The following SP8 variants were observed in gnomAD, a reference collection of about 807,000 sequenced individuals.
SP8 encodes the protein Sp8 transcription factor.
Under a neutral mutation model 15.3 loss-of-function variants are expected in SP8, and 7 were observed. That is an observed-to-expected ratio of 0.46 (90% CI 0.26 to 0.86). The LOEUF (loss-of-function observed/expected upper bound fraction) is 0.86, where lower values mean the gene tolerates loss of function less well. Ranked by LOEUF, SP8 falls within the 40% of genes least tolerant of loss-of-function variation. The pLI, the probability that SP8 is intolerant of heterozygous loss-of-function variation, is 0.16. For synonymous variants in SP8, 415 were observed against 356.3 expected, an observed-to-expected ratio of 1.16 and a Z score of -1.86; for missense variants, 731 against 736.4, an observed-to-expected ratio of 0.99 and a Z score of 0.09.
Position 20,786,706 on chromosome 7 carries a change from C to T in SP8, c.21+72G>A. The T allele has an allele frequency of 1.5e-6, 2 of 1,372,394 alleles. No individual in the cohort carries two copies. Among genetic ancestry groups the T allele is most frequent in the Middle Eastern group, 1.8e-4 (1 of 5,586 alleles). 85.0% of individuals were successfully genotyped at this position (1,372,394 alleles called of 1,614,324 possible). A position where few individuals can be genotyped will look rare whatever the true frequency, so the allele number is the denominator to read the frequency against. On this transcript the variant is annotated intron_variant, in intron 1 of 1. Transcript: ENST00000418710. This position sits in a 1 kb window ranked among gnomAD's most constrained non-coding sequence, Gnocchi z 4.4. The stretch of plus-strand genomic sequence containing the variant: ...CTGATAGCCCGTGGCCTGGCCGGGG[C>T]GACTTTAACCCCCTCCAATCGGCAA...
At position 20,784,030 on chromosome 7, in the gene SP8, C is replaced by CT; in HGVS notation, c.*259_*260insA. 1 of 438,310 alleles carries CT rather than the reference C, an allele frequency of 2.3e-6. No individual in the cohort carries two copies. The highest frequency in any genetic ancestry group is 3.9e-6 in the Non-Finnish European group (1 of 254,800). 27.2% of individuals were successfully genotyped at this position (438,310 alleles called of 1,614,324 possible). On this transcript the variant is annotated 3_prime_UTR_variant, in exon 2 of 2. Coordinates refer to ENST00000418710, the MANE Select transcript of SP8 (RefSeq NM_182700.6). ...ATAAAGGCCCGACGAGGCGCGGGTT[C>CT]CGGCTGCAACGGGTTCAGGCAGCGT... is the stretch of plus-strand genomic sequence containing the variant.
At position 20,786,323 on chromosome 7, in the gene SP8, TTTTC is replaced by T. The variant is rs1178550545; in HGVS notation, c.21+451_21+454del. Among the ~76,000 whole-genome samples, 3 of 152,160 alleles carry T rather than the reference TTTTC, an allele frequency of 2.0e-5. No homozygotes were observed. The highest frequency in any genetic ancestry group is 6.5e-5 in the Admixed American group (1 of 15,286). On this transcript the variant is annotated intron_variant, in intron 1 of 1. Transcript: ENST00000418710. This position sits in a 1 kb window ranked among gnomAD's most constrained non-coding sequence, Gnocchi z 4.4. ...TGTAGGGCTCACTCTTTCTTCCTGC[TTTTC>T]TTTCTTTCTTTTTTTAAAAGCATAT...
In SP8 at chr7:20,785,527, G is replaced by GGCCCCCCCC; in HGVS notation, c.289_290insGGGGGGGGC (p.Ala97delinsGlyGlyGlyPro). On this transcript the variant is annotated protein_altering_variant, in exon 2 of 2. Coordinates refer to ENST00000418710, the MANE Select transcript of SP8 (RefSeq NM_182700.6). The surrounding 1 kb of genome is among the most constrained non-coding windows in gnomAD (Gnocchi z 7.2). ...GAACGAGTCGGACACCAGGGCCGCG[G>GGCCCCCCCC]CAGCCGCGGCTGCTGCCGCGGCCGC... The GGCCCCCCCC allele has an allele frequency of 7.3e-7, 1 of 1,378,508 alleles. No homozygotes were observed. 85.4% of individuals were successfully genotyped at this position (1,378,508 alleles called of 1,614,324 possible).
rs1179225077 is a variant in SP8, at chr7:20,786,579, C to T, written c.21+199G>A. On this transcript the variant is annotated intron_variant, in intron 1 of 1. Transcript: ENST00000418710. The surrounding 1 kb of genome is among the most constrained non-coding windows in gnomAD (Gnocchi z 4.4). ...TGTCTAAATGCCCTTCGAACCTTTTCCTGCGCTGAAAAAAAGTGACTCTGC... is the reference window on the plus strand; with the variant it reads ...TGTCTAAATGCCCTTCGAACCTTTTTCTGCGCTGAAAAAAAGTGACTCTGC... Among the ~76,000 whole-genome samples the T allele has an allele frequency of 6.6e-6, 1 of 151,894 alleles. No individual in the cohort carries two copies. Among genetic ancestry groups the T allele is most frequent in the Non-Finnish European group, 1.5e-5 (1 of 67,978 alleles).
At position 20,784,424 on chromosome 7, in the gene SP8, AGCCGCCGCC is replaced by A. The variant is rs367927423; in HGVS notation, c.1384_1392del (p.Gly462_Gly464del). ...TTGCCGCCGCTGCCCGAGCCCGCCG[AGCCGCCGCC>A]GCCGCCGCCGCCACTGTGCGTCTTC... On this transcript the variant is annotated inframe_deletion, in exon 2 of 2. Transcript: ENST00000418710. 3.4e-4 allele frequency: 514 copies of A among 1,531,092 alleles called. No individual in the cohort carries two copies. Among genetic ancestry groups the A allele is most frequent in the East Asian group, 2.6e-3 (103 of 40,186 alleles). 94.8% of individuals were successfully genotyped at this position (1,531,092 alleles called of 1,614,324 possible).
Position 20,785,055 on chromosome 7 carries a change from G to T in SP8, c.762C>A (p.Ala254=). The T allele has an allele frequency of 6.3e-7, 1 of 1,578,954 alleles. No homozygotes were observed. The highest frequency in any genetic ancestry group is 2.3e-5 in the East Asian group (1 of 43,338). The change falls in exon 2 of 2, where the codon GCC becomes GCA. Residue 254 remains alanine, a synonymous_variant. Transcript: ENST00000418710. The surrounding 1 kb of genome is among the most constrained non-coding windows in gnomAD (Gnocchi z 7.2). ...AAALPGSLHP[A]AGGLQTSLHS... The stretch of plus-strand genomic sequence containing the variant: ...GCAGCGAGGTTTGGAGCCCCCCGGC[G>T]GCAGGGTGCAGCGAGCCGGGCAGCG...
chr7:20,785,071 C>A lies in SP8; in HGVS notation c.746G>T (p.Gly249Val). The part of the protein sequence containing the change: ...QNPNSAAALP[G>V]SLHPAAGGLQ... ...CCCCCCGGCGGCAGGGTGCAGCGAG[C>A]CGGGCAGCGCAGCCGCGCTGTTCGG... Residue 249 changes from glycine to valine, a missense_variant, in exon 2 of 2, where the codon GGC becomes GTC. Physicochemically the swap from Gly to Val is moderately radical, Grantham distance 109. This residue lies in a region of SP8 where 586 missense variants were observed against 524.9 expected (regional missense o/e 1.12). Coordinates refer to ENST00000418710, the MANE Select transcript of SP8 (RefSeq NM_182700.6). This position sits in a 1 kb window ranked among gnomAD's most constrained non-coding sequence, Gnocchi z 7.2. 1 of 1,579,704 alleles carries A rather than the reference C, an allele frequency of 6.3e-7. No individual in the cohort carries two copies.
chr7:20,784,841 T>C lies in SP8; in HGVS notation c.976A>G (p.Ser326Gly). ...PLAGAGGSML[S>G]AGPSAPLGGS... Reference sequence around the variant, plus strand: ...CCCAGCGGCGCCGAAGGCCCAGCGCTCAACATGGAGCCCCCCGCGCCGGCC... The same window carrying C: ...CCCAGCGGCGCCGAAGGCCCAGCGCCCAACATGGAGCCCCCCGCGCCGGCC... Residue 326 changes from serine to glycine, a missense_variant, in exon 2 of 2, where the codon AGC becomes GGC. By Grantham distance (56) the Ser-to-Gly change is moderately conservative. Around this residue, in one of 3 missense-constraint regions of SP8, gnomAD observed 586 missense variants for 524.9 expected, o/e 1.12. Coordinates refer to ENST00000418710, the MANE Select transcript of SP8 (RefSeq NM_182700.6). 1 of 1,525,048 alleles carries C rather than the reference T, an allele frequency of 6.6e-7. No individual in the cohort carries two copies. The allele number at this position is 1,525,048 out of a possible 1,614,324, so 94.5% of individuals were successfully genotyped here.
Position 20,784,176 on chromosome 7 carries a change from A to G in SP8, c.*114T>C. 1 of 947,550 alleles carries G rather than the reference A, an allele frequency of 1.1e-6. No individual in the cohort carries two copies. Among genetic ancestry groups the G allele is most frequent in the East Asian group, 3.1e-5 (1 of 31,796 alleles). The allele number at this position is 947,550 out of a possible 1,614,324, so 58.7% of individuals were successfully genotyped here. On this transcript the variant is annotated 3_prime_UTR_variant, in exon 2 of 2. Transcript: ENST00000418710. The stretch of plus-strand genomic sequence containing the variant: ...GGAAGAGGGGCAGAAACAGAAAGAG[A>G]CAGAGAGCGAGTCGGATGCAATAGG...
Position 20,784,387 on chromosome 7 carries a change from T to C in SP8, c.1430A>G (p.Asp477Gly). Residue 477 changes from aspartate (D) to glycine (G), a missense_variant, in exon 2 of 2, where the codon GAC (aspartate) becomes GGC (glycine). This residue lies in a region of SP8 where 114 missense variants were observed against 111.9 expected (regional missense o/e 1.02). Coordinates refer to ENST00000418710, the MANE Select transcript of SP8 (RefSeq NM_182700.6). Reference sequence around the variant, plus strand: ...CGCGGCGCTGTGCTCGCTGTCGGTGTCGCTGCCCTTCTTGCCGCCGCTGCC... The same window carrying C: ...CGCGGCGCTGTGCTCGCTGTCGGTGCCGCTGCCCTTCTTGCCGCCGCTGCC... ...GSGSGGKKGS[D>G]TDSEHSAAGS... 6.6e-7 allele frequency: 1 copy of C among 1,526,010 alleles called. No individual in the cohort carries two copies. The highest frequency in any genetic ancestry group is 8.7e-7 in the Non-Finnish European group (1 of 1,142,898). The allele number at this position is 1,526,010 out of a possible 1,614,324, so 94.5% of individuals were successfully genotyped here. A position where few individuals can be genotyped will look rare whatever the true frequency, so the allele number is the denominator to read the frequency against.
At position 20,785,821 on chromosome 7, in the gene SP8, G is replaced by A. The variant is rs1364040471; in HGVS notation, c.22-26C>T. Reference sequence around the variant, plus strand: ...CTGCGAGGAGGAGAGGAGAAGGAGTGGGGGAGGGGAGGTGGGCAAAGGGCC... The same window carrying A: ...CTGCGAGGAGGAGAGGAGAAGGAGTAGGGGAGGGGAGGTGGGCAAAGGGCC... On this transcript the variant is annotated intron_variant, in intron 1 of 1. Transcript: ENST00000418710. The surrounding 1 kb of genome is among the most constrained non-coding windows in gnomAD (Gnocchi z 7.2). The A allele has an allele frequency of 1.3e-6, 2 of 1,590,244 alleles. No homozygotes were observed. Among genetic ancestry groups the A allele is most frequent in the Admixed American group, 1.7e-5 (1 of 59,596 alleles).
rs1783687288 is a variant in SP8, at chr7:20,786,726, C to T, written c.21+52G>A. 3.2e-6 allele frequency: 5 copies of T among 1,564,060 alleles called. No individual in the cohort carries two copies. The South Asian group carries it at 3.3e-5, about 10-fold the overall frequency. On this transcript the variant is annotated intron_variant, in intron 1 of 1. Transcript: ENST00000418710. This position sits in a 1 kb window ranked among gnomAD's most constrained non-coding sequence, Gnocchi z 4.4. ...CGGGGCGACTTTAACCCCCTCCAAT[C>T]GGCAATAAAAGGAAACTAATTAAAC...
rs1279905630 is a variant in SP8 at position 20,783,458 on chromosome 7, A to G, written c.*832T>C. The G allele has an allele frequency of 6.6e-6, 1 of 151,094 alleles. No individual in the cohort carries two copies. The highest frequency in any genetic ancestry group is 2.4e-5 in the African/African-American group (1 of 40,984). 9.4% of individuals were successfully genotyped at this position (151,094 alleles called of 1,614,324 possible). ...CCGTTAGAGGAAAAAACTATTATAG[A>G]AGGGAAACCAAATGGAAGGTTGCTA... On this transcript the variant is annotated 3_prime_UTR_variant, in exon 2 of 2. Transcript: ENST00000418710.
In SP8 at chr7:20,782,919, C is replaced by T. The variant is rs557614304; in HGVS notation, c.*1371G>A. On this transcript the variant is annotated 3_prime_UTR_variant, in exon 2 of 2. Coordinates refer to ENST00000418710, the MANE Select transcript of SP8 (RefSeq NM_182700.6). ...AGTAATGTACAAGAAAAATACTATA[C>T]AAAATCGTCTCCTGGACAACTGCAC... 1.3e-5 allele frequency: 2 copies of T among 152,560 alleles called. No homozygotes were observed. The highest frequency in any genetic ancestry group is 1.9e-4 in the East Asian group (1 of 5,182). The allele number at this position is 152,560 out of a possible 1,614,324, so 9.5% of individuals were successfully genotyped here. A position where few individuals can be genotyped will look rare whatever the true frequency, so the allele number is the denominator to read the frequency against.
Position 20,783,878 on chromosome 7 carries a change from C to A in SP8, c.*412G>T, listed in dbSNP as rs1783573452. 5.3e-5 allele frequency: 1 copy of A among 18,956 alleles called. No individual in the cohort carries two copies. Among genetic ancestry groups the A allele is most frequent in the Non-Finnish European group, 7.3e-5 (1 of 13,744 alleles). The allele number at this position is 18,956 out of a possible 1,614,324, so 1.2% of individuals were successfully genotyped here. ...GTCAGCCGAGCCGCTCCTGCCCGCG[C>A]GAGGCCCGCTGTCTACCAGGCACTG... is the stretch of plus-strand genomic sequence containing the variant. On this transcript the variant is annotated 3_prime_UTR_variant, in exon 2 of 2. Transcript: ENST00000418710.
chr7:20,785,621 C>T lies in SP8; in HGVS notation c.196G>A (p.Gly66Ser), dbSNP rs779953529. 1.2e-6 allele frequency: 2 copies of T among 1,612,924 alleles called. No homozygotes were observed. Among genetic ancestry groups the T allele is most frequent in the Non-Finnish European group, 1.7e-6 (2 of 1,179,550 alleles). Residue 66 changes from glycine to serine, a missense_variant, in exon 2 of 2, where the codon GGT becomes AGT. By Grantham distance (56) the Gly-to-Ser change is moderately conservative (BLOSUM62 0). This residue lies in a region of SP8 where 586 missense variants were observed against 524.9 expected (regional missense o/e 1.12). Transcript: ENST00000418710. This position sits in a 1 kb window ranked among gnomAD's most constrained non-coding sequence, Gnocchi z 7.2. ...SSSSASCNVVGSSLSSFGVSG... is the reference protein window; with the variant it reads ...SSSSASCNVVSSSLSSFGVSG... The stretch of plus-strand genomic sequence containing the variant: ...ACGCCGAAGCTTGAGAGACTGGAAC[C>T]CACTACGTTGCAGCTGGCGGAAGAA...
rs200267910 is a variant in SP8 at position 20,785,124 on chromosome 7, C to T, written c.693G>A (p.Val231=). The change falls in exon 2 of 2, where the codon GTG becomes GTA. Residue 231 remains valine (V), a synonymous_variant. Transcript: ENST00000418710. The surrounding 1 kb of genome is among the most constrained non-coding windows in gnomAD (Gnocchi z 7.2). ...GSAGASSWWD[V]GAGWIDVQNP... ...TCTGCACGTCGATCCAGCCGGCCCCCACGTCCCACCAGCTGGAGGCGCCGG... is the reference window on the plus strand; with the variant it reads ...TCTGCACGTCGATCCAGCCGGCCCCTACGTCCCACCAGCTGGAGGCGCCGG... 6 of 1,590,464 alleles carry T rather than the reference C, an allele frequency of 3.8e-6. No individual in the cohort carries two copies. The African/African-American group carries it at 6.8e-5, about 18-fold the overall frequency.
In SP8 at chr7:20,782,778, A is replaced by G. The variant is rs1372977923; in HGVS notation, c.*1512T>C. On this transcript the variant is annotated 3_prime_UTR_variant, in exon 2 of 2. Transcript: ENST00000418710. The stretch of plus-strand genomic sequence containing the variant: ...TGCGTTTGTGGCTCTGCACCTCCAG[A>G]AGTGAGTTCAAAAAACCTGCAGCTC... 1 of 152,658 alleles carries G rather than the reference A, an allele frequency of 6.6e-6. No individual in the cohort carries two copies. Among genetic ancestry groups the G allele is most frequent in the Non-Finnish European group, 1.5e-5 (1 of 68,048 alleles). 9.5% of individuals were successfully genotyped at this position (152,658 alleles called of 1,614,324 possible). A position where few individuals can be genotyped will look rare whatever the true frequency, so the allele number is the denominator to read the frequency against.
At position 20,785,601 on chromosome 7, in the gene SP8, G is replaced by A; in HGVS notation, c.216C>T (p.Phe72=). Residue 72 remains phenylalanine, a synonymous_variant, in exon 2 of 2, where the codon TTC becomes TTT. Transcript: ENST00000418710. The surrounding 1 kb of genome is among the most constrained non-coding windows in gnomAD (Gnocchi z 7.2). The stretch of plus-strand genomic sequence containing the variant: ...CGTTCCTGGAGGCCCCGGACACGCC[G>A]AAGCTTGAGAGACTGGAACCCACTA... ...CNVVGSSLSS[F]GVSGASRNGG... is the part of the protein sequence containing the mutation. The A allele has an allele frequency of 6.8e-7, 1 of 1,466,214 alleles. No homozygotes were observed. Among genetic ancestry groups the A allele is most frequent in the Non-Finnish European group, 9.2e-7 (1 of 1,088,092 alleles). 90.8% of individuals were successfully genotyped at this position (1,466,214 alleles called of 1,614,324 possible).
Sources: gnomAD v4.1 joint callset for allele counts (sites outside exome capture counted in the v4.1 genomes callset) on GRCh38, gnomAD v4.1.1 for gene constraint, gnomAD v4.1.1 regional missense constraint, Gnocchi (gnomAD v3.1) non-coding constraint, MANE v1.5 for transcripts, NCBI Gene and HGNC (gene_info 2026-07-23, HGNC 2026-07-21) for gene names.